Variants in ZNF723 observed in about 807,000 individuals in gnomAD.
The protein encoded by ZNF723 is zinc finger protein 723.
Under a neutral mutation model 9.4 loss-of-function variants are expected in ZNF723, and 5 were observed. That is an observed-to-expected ratio of 0.53 (90% CI 0.28 to 1.12). ZNF723 has a LOEUF of 1.12. Ranked by LOEUF, ZNF723 falls within the 50% of genes most tolerant of loss-of-function variation. The pLI is 0.10. For missense variants in ZNF723, 450 were observed against 501.5 expected (o/e 0.90, Z 0.98); for synonymous variants, 158 against 168.8 (o/e 0.94, Z 0.49).
At chr19:22,855,924 TTTTTA>T (rs1967471762) in intron 3 of ZNF723, among the ~76,000 whole-genome samples, 5 of 152,046 alleles carry the variant, frequency 3.3e-5, no homozygotes, top group African/African-American at 4.8e-5. Flanking sequence ...AGCTTCTTCG[TTTTTA>T]TTTTATCTTT....
chr19:22,830,764 T>C (rs1237036168), upstream of ZNF723, among the ~76,000 whole-genome samples: 1 of 152,062 alleles, frequency 6.6e-6, no homozygotes, highest in Non-Finnish European at 1.5e-5. Flanking sequence ...AATTTTTCTT[T>C]TTTTCTTTTT....
intron 2 of ZNF723, 46 bp downstream of exon 2, chr19:22,848,433 CT>C: frequency 2.1e-5 from 26 of 1,252,858 alleles, no homozygotes; most frequent in South Asian, 1.1e-4. Context: ...GTAAATGTTT[CT>C]TTTTTTGGTG....
At chr19:22,825,162 C>A in the ZNF723 span, among the ~76,000 whole-genome samples, 5 of 152,162 alleles carry the variant, frequency 3.3e-5, no homozygotes, top group Admixed American at 1.3e-4. Context: ...AATTGTGACT[C>A]TCATATGTGG....
chr19:22,845,504 C>T (rs1462656313), intron 1 of ZNF723, among the ~76,000 whole-genome samples: 1 of 152,078 alleles, frequency 6.6e-6, no homozygotes, highest in African/African-American at 2.4e-5. Flanking sequence ...AGTTCAGTTT[C>T]ACCTGTTTAC....
chr19:22,820,074 C>T, the ZNF723 span, among the ~76,000 whole-genome samples: 5 of 152,134 alleles, frequency 3.3e-5, no homozygotes, highest in Admixed American at 6.5e-5. Context: ...TGATGTGACT[C>T]TCCTATTTTA....
chr19:22,849,730 G>C (rs182145034), intron 3 of ZNF723, among the ~76,000 whole-genome samples: 2 of 152,258 alleles, frequency 1.3e-5, no homozygotes, highest in Admixed American at 1.3e-4. Context: ...CCAACATGGT[G>C]AAACCCCTTC....
At chr19:22,832,542 G>T (rs1453335836) in intron 1 of ZNF723, among the ~76,000 whole-genome samples, 160 bp downstream of exon 1, 1 of 152,212 alleles carries the variant, frequency 6.6e-6, no homozygotes, top group Non-Finnish European at 1.5e-5. Flanking sequence ...CGATAAGATG[G>T]CGGCTGTACT....
chr19:22,832,297 A>T lies in ZNF723; in HGVS notation c.-83A>T. 7.9e-7 allele frequency: 1 copy of T among 1,271,260 alleles called. No homozygotes were observed. The highest frequency in any genetic ancestry group is 1.1e-6 in the Non-Finnish European group (1 of 905,692). The allele number at this position is 1,271,260 out of a possible 1,614,324, so 78.7% of individuals were successfully genotyped here. On this transcript the variant is annotated 5_prime_UTR_variant, in exon 1 of 4. Transcript: ENST00000600766. ...TTCCGGGATTTGGCGCGGCCTTTTG[A>T]GTTCCTGGTCTCTGTGGCCTCCTGA...
At chr19:22,834,042 G>A (rs2145204937) in intron 1 of ZNF723, among the ~76,000 whole-genome samples, 1 of 148,070 alleles carries the variant, frequency 6.8e-6, no homozygotes, top group African/African-American at 2.5e-5. Flanking sequence ...CAGCCTCCTA[G>A]GTAGCTGGGA....
Position 22,832,337 on chromosome 19 carries a change from G to A in ZNF723, c.-43G>A. ...TGGCCTCCTGACCTACATGCATTGGGAGATCCACAGCTAAGACGCCAGGAC... is the reference window on the plus strand; with the variant it reads ...TGGCCTCCTGACCTACATGCATTGGAAGATCCACAGCTAAGACGCCAGGAC... On this transcript the variant is annotated 5_prime_UTR_variant, in exon 1 of 4. Coordinates refer to ENST00000600766, the MANE Select transcript of ZNF723 (RefSeq NM_001349726.2). The A allele has an allele frequency of 1.4e-6, 2 of 1,382,504 alleles. No homozygotes were observed. Among genetic ancestry groups the A allele is most frequent in the Non-Finnish European group, 2.0e-6 (2 of 988,882 alleles). 85.6% of individuals were successfully genotyped at this position (1,382,504 alleles called of 1,614,324 possible).
chr19:22,856,973 C>T, intron 3 of ZNF723, 145 bp from the exon 4 acceptor site: 1 of 443,342 alleles, frequency 2.3e-6, no homozygotes, highest in Non-Finnish European at 4.0e-6. Context: ...GTTTTTGTTA[C>T]ATTTATGTCT....
chr19:22,852,063 A>T (rs1967405055), intron 3 of ZNF723, among the ~76,000 whole-genome samples: 1 of 152,206 alleles, frequency 6.6e-6, no homozygotes, highest in African/African-American at 2.4e-5. Context: ...TGCTGGGATT[A>T]CAGGTGTGAG....
intron 1 of ZNF723, among the ~76,000 whole-genome samples, chr19:22,845,085 C>T (rs1420770355): frequency 6.6e-6 from 1 of 152,180 alleles, no homozygotes; most frequent in Non-Finnish European, 1.5e-5. Flanking sequence ...CGCCACTGCA[C>T]TCCAGCCTGG....
intron 3 of ZNF723, among the ~76,000 whole-genome samples, chr19:22,850,468 A>G: frequency 6.7e-6 from 1 of 149,822 alleles, no homozygotes. Context: ...CGGCCTCCCA[A>G]AGTGCTGGGA....
chr19:22,858,580 A>C lies in ZNF723; in HGVS notation c.*147A>C. On this transcript the variant is annotated 3_prime_UTR_variant, in exon 4 of 4. Coordinates refer to ENST00000600766, the MANE Select transcript of ZNF723 (RefSeq NM_001349726.2). ...GTCAGGAGTTCGAGACCAACCTAACATGGTGAAACAACGTCTCTACTAAAA... is the reference window on the plus strand; with the variant it reads ...GTCAGGAGTTCGAGACCAACCTAACCTGGTGAAACAACGTCTCTACTAAAA... 4.0e-6 allele frequency: 2 copies of C among 495,536 alleles called. No individual in the cohort carries two copies. The highest frequency in any genetic ancestry group is 7.0e-6 in the Non-Finnish European group (2 of 285,838). The allele number at this position is 495,536 out of a possible 1,614,324, so 30.7% of individuals were successfully genotyped here. A position where few individuals can be genotyped will look rare whatever the true frequency, so the allele number is the denominator to read the frequency against.
upstream of ZNF723, among the ~76,000 whole-genome samples, chr19:22,829,106 G>A (rs147441600): frequency 6.3e-3 from 960 of 152,070 alleles, 12 homozygotes; most frequent in African/African-American, 0.018. Context: ...CTGGGAGGAG[G>A]AGGTTGCAGT....
chr19:22,812,251 G>A, the ZNF723 span, among the ~76,000 whole-genome samples: 6 of 151,356 alleles, frequency 4.0e-5, no homozygotes, highest in Non-Finnish European at 8.9e-5. Context: ...GATTACAGGT[G>A]TGAGCCACCT....
chr19:22,857,985 G>T lies in ZNF723; in HGVS notation c.1094G>T (p.Gly365Val). 1 of 1,540,884 alleles carries T rather than the reference G, an allele frequency of 6.5e-7. No individual in the cohort carries two copies. The highest frequency in any genetic ancestry group is 1.1e-5 in the South Asian group (1 of 89,544). ...HITTHKRIHT[G>V]EKPYKCEECG... ...ACTACACATAAGAGAATTCACACTG[G>T]AGAGAAACCCTACAAATGTGAAGAA... The change falls in exon 4 of 4, where the codon GGA becomes GTA. Residue 365 changes from glycine (G) to valine (V), a missense_variant. By Grantham distance (109) the Gly-to-Val change is moderately radical. Coordinates refer to ENST00000600766, the MANE Select transcript of ZNF723 (RefSeq NM_001349726.2).
At chr19:22,832,435 G>C (rs1967109054) in intron 1 of ZNF723, 53 bp downstream of exon 1, 2 of 1,353,254 alleles carry the variant, frequency 1.5e-6, no homozygotes, top group South Asian at 1.2e-5. Flanking sequence ...GGTTGGAACC[G>C]GTGGGAAGTG....
Sources: allele counts gnomAD v4.1 joint callset (sites outside exome capture counted in the v4.1 genomes callset), GRCh38; gene constraint gnomAD v4.1.1; transcripts MANE v1.5; gene names NCBI Gene and HGNC (gene_info 2026-07-23, HGNC 2026-07-21).